Variants in TBC1D2 observed in about 807,000 individuals in gnomAD.
TBC1D2 encodes TBC1 domain family member 2A.
A neutral mutation model predicts 91.1 loss-of-function variants in TBC1D2; 58 were observed. The ratio of observed to expected loss-of-function variants is 0.64; its 90% CI spans 0.52 to 0.79. The LOEUF (loss-of-function observed/expected upper bound fraction) is 0.79. Ranked by LOEUF, TBC1D2 falls within the 30% of genes least tolerant of loss-of-function variation. The probability of loss-of-function intolerance (pLI) is 0.00; values close to 1 mark genes in which losing one functional copy is unlikely to be tolerated. For missense variants in TBC1D2, 1,080 were observed against 1,208.3 expected (o/e 0.89, Z 1.57); for synonymous variants, 482 against 511.5 (o/e 0.94, Z 0.78).
At chr9:98,237,830 T>C (rs927305641) in intron 3 of TBC1D2, among the ~76,000 whole-genome samples, 22 of 152,104 alleles carry the variant, frequency 1.4e-4, no homozygotes, top group Non-Finnish European at 2.4e-4. Context: ...GGTGATTATA[T>C]TGAATCTGTA....
In TBC1D2 at chr9:98,199,494, C is replaced by T. The variant is rs1042891438; in HGVS notation, c.2674G>A (p.Glu892Lys). The T allele has an allele frequency of 6.2e-7, 1 of 1,614,116 alleles. No individual in the cohort carries two copies. Among genetic ancestry groups the T allele is most frequent in the East Asian group, 2.2e-5 (1 of 44,884 alleles). ...RMVHRERLEA[E>K]LRELEQLKAE... is the part of the protein sequence containing the mutation. ...TTAAGCTGCTCCAGCTCCCGCAGCT[C>T]AGCCTCCAGCCGCTCCCGGTGGACC... Residue 892 changes from glutamate to lysine, a missense_variant, in exon 13 of 13, where the codon GAG becomes AAG. By Grantham distance (56) the Glu-to-Lys change is moderately conservative (BLOSUM62 1). Coordinates refer to ENST00000465784, the MANE Select transcript of TBC1D2 (RefSeq NM_001267571.2).
At chr9:98,201,790 G>T in intron 10 of TBC1D2, 126 bp from the exon 11 acceptor site, 1 of 949,532 alleles carries the variant, frequency 1.1e-6, no homozygotes, top group Non-Finnish European at 1.5e-6. Context: ...GTCCTTTCCT[G>T]CCCAGGAGAC....
At chr9:98,249,555 C>T (rs900901150) in intron 2 of TBC1D2, among the ~76,000 whole-genome samples, 5 of 152,200 alleles carry the variant, frequency 3.3e-5, no homozygotes, top group African/African-American at 1.2e-4. Flanking sequence ...ACCCAGGCTG[C>T]AGTTTTCTGC....
intron 4 of TBC1D2, among the ~76,000 whole-genome samples, chr9:98,230,670 C>T (rs867678351): frequency 2.0e-5 from 3 of 152,144 alleles, no homozygotes; most frequent in Non-Finnish European, 2.9e-5. Context: ...TGGTGGCTCA[C>T]GCCTGTAATC....
At chr9:98,225,599 A>G (rs547540316) in intron 5 of TBC1D2, among the ~76,000 whole-genome samples, 8 of 152,288 alleles carry the variant, frequency 5.3e-5, no homozygotes, top group African/African-American at 1.7e-4. Flanking sequence ...AGCTCCTCAA[A>G]TGCTGGCTTA....
chr9:98,210,638 C>T lies in TBC1D2; in HGVS notation c.1673+18G>A, dbSNP rs752442058. On this transcript the variant is annotated intron_variant, in intron 8 of 12. Coordinates refer to ENST00000465784, the MANE Select transcript of TBC1D2 (RefSeq NM_001267571.2). Reference sequence around the variant, plus strand: ...GCCAGCTCACATAGACCAGCCCTTCCTGGGCCGCCAGGCTCACCTGATGGG... The same window carrying T: ...GCCAGCTCACATAGACCAGCCCTTCTTGGGCCGCCAGGCTCACCTGATGGG... 3.8e-5 allele frequency: 59 copies of T among 1,561,834 alleles called. No homozygotes were observed. The highest frequency in any genetic ancestry group is 3.7e-4 in the South Asian group (31 of 84,922).
At position 98,204,343 on chromosome 9, in the gene TBC1D2, C is replaced by T. The variant is rs147981906; in HGVS notation, c.2151-935G>A. Among the ~76,000 whole-genome samples the T allele has an allele frequency of 6.0e-3, 911 of 152,324 alleles. 6 individuals carry two copies. Among genetic ancestry groups the T allele is most frequent in the Middle Eastern group, 0.01 (3 of 294 alleles). On this transcript the variant is annotated intron_variant, in intron 9 of 12. Transcript: ENST00000465784. ...TGTCTTAGTAAAGCCTCTGAGAAGT[C>T]CTGTGGTGACAAAACGCTGTGTGGC...
In TBC1D2 at chr9:98,200,277, A is replaced by C; in HGVS notation, c.2555T>G (p.Phe852Cys). Residue 852 changes from phenylalanine to cysteine, a missense_variant, in exon 12 of 13, where the codon TTC (phenylalanine) becomes TGC (cysteine). Coordinates refer to ENST00000465784, the MANE Select transcript of TBC1D2 (RefSeq NM_001267571.2). Reference sequence around the variant, plus strand: ...CCGGCTGTTGGAGATGGTCTTGGTGAAGAAGCGCAGGTACTGGTAGATTTC... The same window carrying C: ...CCGGCTGTTGGAGATGGTCTTGGTGCAGAAGCGCAGGTACTGGTAGATTTC... The part of the protein sequence containing the change: ...GLEIYQYLRF[F>C]TKTISNSRKL... 2 of 1,613,478 alleles carry C rather than the reference A, an allele frequency of 1.2e-6. No individual in the cohort carries two copies. Among genetic ancestry groups the C allele is most frequent in the South Asian group, 2.2e-5 (2 of 91,012 alleles).
chr9:98,252,309 A>G (rs1417656347), intron 1 of TBC1D2, among the ~76,000 whole-genome samples: 1 of 152,162 alleles, frequency 6.6e-6, no homozygotes, highest in African/African-American at 2.4e-5. Flanking sequence ...CTGAATTCTG[A>G]TATGCGTGGG....
In TBC1D2 at chr9:98,209,082, A is replaced by G. The variant is rs777830752; in HGVS notation, c.1736T>C (p.Leu579Pro). ...TGACTCCAATGCCTGGATCTTGGCC[A>G]GCAGCTTCAGGTCTTCCACCTCATA... ...PDYEVEDLKL[L>P]AKIQALESRS... Residue 579 changes from leucine (L) to proline (P), a missense_variant, in exon 9 of 13, where the codon CTG becomes CCG. Leu to Pro is a moderately conservative substitution (Grantham distance 98, BLOSUM62 -3). Transcript: ENST00000465784. 1.2e-6 allele frequency: 2 copies of G among 1,614,206 alleles called. No homozygotes were observed.
At chr9:98,204,568 A>AGAT (rs1210879436) in intron 9 of TBC1D2, among the ~76,000 whole-genome samples, 1 of 152,208 alleles carries the variant, frequency 6.6e-6, no homozygotes, top group African/African-American at 2.4e-5. Flanking sequence ...GGTTCTCTCT[A>AGAT]GATTGGATTC....
chr9:98,231,279 C>CTTTTTTTTTTTTTTTT (rs35195996), intron 4 of TBC1D2, among the ~76,000 whole-genome samples: 2 of 76,716 alleles, frequency 2.6e-5, no homozygotes, highest in African/African-American at 5.5e-5. Context: ...CTCAACTCTG[C>CTTTTTTTTTTTTTTTT]TTTTTTTTTT....
Position 98,213,101 on chromosome 9 carries a change from C to A in TBC1D2, c.1485+7G>T. ...GGAGACGGCTGGAATAGGGCCCCAC[C>A]CCGCACCTTCGTCAGAAGGGCCTTC... On this transcript the variant is annotated splice_region_variant and intron_variant, in intron 7 of 12. Transcript: ENST00000465784. 2.5e-6 allele frequency: 4 copies of A among 1,613,914 alleles called. No individual in the cohort carries two copies. Among genetic ancestry groups the A allele is most frequent in the Non-Finnish European group, 3.4e-6 (4 of 1,180,002 alleles).
At chr9:98,234,281 G>A (rs1588054734) in intron 3 of TBC1D2, among the ~76,000 whole-genome samples, 2 of 152,102 alleles carry the variant, frequency 1.3e-5, no homozygotes, top group African/African-American at 2.4e-5. Context: ...GCCAGAGACC[G>A]GGCTCAATAC....
At position 98,220,813 on chromosome 9, in the gene TBC1D2, C is replaced by T. The variant is rs766677282; in HGVS notation, c.1374+20G>A. 6.2e-7 allele frequency: 1 copy of T among 1,603,148 alleles called. No individual in the cohort carries two copies. The highest frequency in any genetic ancestry group is 2.3e-5 in the East Asian group (1 of 44,422). On this transcript the variant is annotated intron_variant, in intron 6 of 12. Coordinates refer to ENST00000465784, the MANE Select transcript of TBC1D2 (RefSeq NM_001267571.2). ...ACAGAGGACCGGCAGGACTGGCAGG[C>T]CCTGAGGGGAGGCCCCTACCTTCAG... is the stretch of plus-strand genomic sequence containing the variant.
In TBC1D2 at chr9:98,220,978, T is replaced by C. The variant is rs949600905; in HGVS notation, c.1229A>G (p.Lys410Arg). 3.7e-6 allele frequency: 6 copies of C among 1,614,226 alleles called. No homozygotes were observed. The highest frequency in any genetic ancestry group is 5.1e-6 in the Non-Finnish European group (6 of 1,180,034). Residue 410 changes from lysine (K) to arginine (R), a missense_variant, in exon 6 of 13, where the codon AAG (lysine) becomes AGG (arginine). Transcript: ENST00000465784. ...LQQHVQLLMD[K>R]NHAKQQVICK... is the part of the protein sequence containing the mutation. ...GATGACCTGCTGCTTGGCGTGGTTC[T>C]TGTCCATAAGCAGCTGCACGTGCTG... is the stretch of plus-strand genomic sequence containing the variant.
At chr9:98,202,266 T>C (rs1356832460) in intron 10 of TBC1D2, among the ~76,000 whole-genome samples, 3 of 152,228 alleles carry the variant, frequency 2.0e-5, no homozygotes, top group Non-Finnish European at 4.4e-5. Context: ...ACCACTGTCA[T>C]GCCTCCGTCC....
At chr9:98,232,213 G>A (rs1170752983) in intron 4 of TBC1D2, among the ~76,000 whole-genome samples, 1 of 152,076 alleles carries the variant, frequency 6.6e-6, no homozygotes, top group African/African-American at 2.4e-5. Context: ...AACTGCTAGT[G>A]TTATGATGAT....
intron 6 of TBC1D2, among the ~76,000 whole-genome samples, chr9:98,216,313 C>T (rs1828968477): frequency 6.6e-6 from 1 of 152,074 alleles, no homozygotes; most frequent in African/African-American, 2.4e-5. Context: ...CCCCACCCTG[C>T]ACCCACCCCC....
Sources: gnomAD v4.1 joint callset for allele counts (sites outside exome capture counted in the v4.1 genomes callset) on GRCh38, gnomAD v4.1.1 for gene constraint, MANE v1.5 for transcripts, NCBI Gene and HGNC (gene_info 2026-07-23, HGNC 2026-07-21) for gene names.